The following NKAIN2 variants were observed in gnomAD, a reference collection of about 807,000 sequenced individuals.
The protein encoded by NKAIN2 is sodium/potassium-transporting ATPase subunit beta-1-interacting protein 2.
Under a neutral mutation model 32.6 loss-of-function variants are expected in NKAIN2, and 14 were observed. The observed-to-expected ratio is 0.43, with a 90% CI of 0.28 to 0.67. The LOEUF (loss-of-function observed/expected upper bound fraction) is 0.67, where lower values mean the gene tolerates loss of function less well. NKAIN2 is among the 30% of genes least tolerant of loss of function. The pLI is 0.17. For missense variants in NKAIN2, 198 were observed against 258.3 expected, an observed-to-expected ratio of 0.77 and a Z score of 1.60; for synonymous variants, 80 against 87.2, an observed-to-expected ratio of 0.92 and a Z score of 0.46.
chr6:123,993,083 A>G (rs1779480274), intron 1 of NKAIN2, among the ~76,000 whole-genome samples: 1 of 152,198 alleles, frequency 6.6e-6, no homozygotes, highest in African/African-American at 2.4e-5. Context: ...TAAATAGACT[A>G]AACTATATAA....
At chr6:124,621,548 G>T (rs933498969) in intron 3 of NKAIN2, among the ~76,000 whole-genome samples, 1 of 152,096 alleles carries the variant, frequency 6.6e-6, no homozygotes, top group African/African-American at 2.4e-5. Flanking sequence ...GAGAGCTAGG[G>T]TTTCTTTCTC....
intron 1 of NKAIN2, among the ~76,000 whole-genome samples, chr6:123,895,220 AACAC>A (rs900144957): frequency 6.6e-6 from 1 of 151,064 alleles, no homozygotes; most frequent in Non-Finnish European, 1.5e-5. Context: ...CACACACAAG[AACAC>A]ACACACACAT....
At chr6:124,008,796 A>AC (rs1780192737) in intron 1 of NKAIN2, among the ~76,000 whole-genome samples, 4 of 151,794 alleles carry the variant, frequency 2.6e-5, no homozygotes, top group Admixed American at 2.6e-4. Context: ...CTGACACTTG[A>AC]CCAGCCATAT....
Position 124,748,853 on chromosome 6 carries a change from T to TAAA in NKAIN2, c.475-42477_475-42475dup, listed in dbSNP as rs5879757. Among the ~76,000 whole-genome samples, 240 of 148,428 alleles carry TAAA rather than the reference T, an allele frequency of 1.6e-3. 3 individuals are homozygous for TAAA. The highest frequency in any genetic ancestry group is 5.4e-3 in the African/African-American group (221 of 40,726). On this transcript the variant is annotated intron_variant, in intron 4 of 6. Transcript: ENST00000368417. ...CCAGCTCTGATATTAACTTCTAATT[T>TAAA]AAAAAAAAAAAGAAGTGTGCAAGTA... is the stretch of plus-strand genomic sequence containing the variant.
intron 1 of NKAIN2, among the ~76,000 whole-genome samples, chr6:124,115,959 A>G (rs545690565): frequency 1.6e-4 from 24 of 152,156 alleles, no homozygotes; most frequent in African/African-American, 5.5e-4. Flanking sequence ...ACAAAAATAT[A>G]TTTTTGAAAA....
chr6:124,413,294 T>G (rs967107176), intron 3 of NKAIN2, among the ~76,000 whole-genome samples: 5 of 152,210 alleles, frequency 3.3e-5, no homozygotes, highest in African/African-American at 9.6e-5. Context: ...ACGTTCATTC[T>G]TTTAAGTATG....
At chr6:124,127,050 A>G (rs1786206785) in intron 1 of NKAIN2, among the ~76,000 whole-genome samples, 1 of 152,152 alleles carries the variant, frequency 6.6e-6, no homozygotes, top group South Asian at 2.1e-4. Context: ...CTGAATTAGA[A>G]TAATACATAT....
intron 3 of NKAIN2, among the ~76,000 whole-genome samples, chr6:124,514,284 C>T (rs1468549088): frequency 6.6e-6 from 1 of 152,146 alleles, no homozygotes; most frequent in Non-Finnish European, 1.5e-5. Flanking sequence ...TTGAGATTCA[C>T]TGGAGATCCA....
At chr6:124,553,535 G>A (rs1159448629) in intron 3 of NKAIN2, among the ~76,000 whole-genome samples, 2 of 152,186 alleles carry the variant, frequency 1.3e-5, no homozygotes, top group South Asian at 2.1e-4. Flanking sequence ...TCCAACTCCC[G>A]ACCTCAGATG....
At chr6:124,462,966 T>C (rs1474815362) in intron 3 of NKAIN2, among the ~76,000 whole-genome samples, 1 of 152,084 alleles carries the variant, frequency 6.6e-6, no homozygotes, top group African/African-American at 2.4e-5. Flanking sequence ...ACTGAACCTC[T>C]GAGCCTGAAA....
At chr6:124,243,308 A>G (rs886939117) in intron 1 of NKAIN2, among the ~76,000 whole-genome samples, 1 of 152,032 alleles carries the variant, frequency 6.6e-6, no homozygotes, top group African/African-American at 2.4e-5. Context: ...CACTCTGTCC[A>G]ACCTAAGAAA....
chr6:124,423,412 G>A (rs1774842582), intron 3 of NKAIN2, among the ~76,000 whole-genome samples: 1 of 152,092 alleles, frequency 6.6e-6, no homozygotes, highest in African/African-American at 2.4e-5. Context: ...TATGTAAAAT[G>A]TACATAATAA....
chr6:124,408,713 GT>G (rs201254539), intron 3 of NKAIN2, among the ~76,000 whole-genome samples: 24,299 of 152,064 alleles, frequency 0.16, 2,224 homozygotes, highest in East Asian at 0.24. Context: ...CTTTAAAGTA[GT>G]TTTTTCCAAT....
intron 1 of NKAIN2, among the ~76,000 whole-genome samples, chr6:124,272,655 A>G (rs1794847081): frequency 6.6e-6 from 1 of 152,220 alleles, no homozygotes; most frequent in East Asian, 1.9e-4. Flanking sequence ...GAAGAGGGCT[A>G]CTGTTCTCCA....
At chr6:123,982,508 T>C (rs1011719632) in intron 1 of NKAIN2, among the ~76,000 whole-genome samples, 1 of 152,144 alleles carries the variant, frequency 6.6e-6, no homozygotes, top group Non-Finnish European at 1.5e-5. Flanking sequence ...CATTTCATTA[T>C]ATTGTGCCTT....
intron 3 of NKAIN2, chr6:124,490,406 A>G: frequency 5.2e-6 from 2 of 383,182 alleles, no homozygotes; most frequent in Non-Finnish European, 9.8e-6. Context: ...GTATAGAATC[A>G]TAGAGGTTTT....
intron 4 of NKAIN2, among the ~76,000 whole-genome samples, chr6:124,766,340 G>A (rs369703679): frequency 7.2e-5 from 11 of 152,298 alleles, no homozygotes; most frequent in African/African-American, 2.6e-4. Context: ...ACCTACGGTT[G>A]CCCTGTAAGA....
chr6:124,596,276 G>A (rs925234513), intron 3 of NKAIN2, among the ~76,000 whole-genome samples: 2 of 152,160 alleles, frequency 1.3e-5, no homozygotes, highest in Admixed American at 1.3e-4. Flanking sequence ...TGGATGTGAG[G>A]TGAGTACTGC....
intron 3 of NKAIN2, among the ~76,000 whole-genome samples, chr6:124,602,833 G>A (rs910136583): frequency 6.6e-6 from 1 of 151,874 alleles, no homozygotes; most frequent in Non-Finnish European, 1.5e-5. Context: ...CAAGTAGCAT[G>A]AGAACAAACC....
Sources: allele counts gnomAD v4.1 joint callset (sites outside exome capture counted in the v4.1 genomes callset), GRCh38; gene constraint gnomAD v4.1.1; transcripts MANE v1.5; gene names NCBI Gene and HGNC (gene_info 2026-07-23, HGNC 2026-07-21).